The following TMCC3 variants were observed in gnomAD, a reference collection of about 807,000 sequenced individuals.
TMCC3 encodes the protein transmembrane and coiled-coil domain protein 3.
In TMCC3, 28 loss-of-function variants were observed where a neutral mutation model predicts 40.2. That is an observed-to-expected ratio of 0.70 (90% CI 0.52 to 0.95). The LOEUF is 0.95. Among genes scored for constraint, TMCC3 ranks in the 40% least tolerant of loss-of-function variants. The probability of loss-of-function intolerance (pLI) is 0.00; values close to 1 mark genes in which losing one functional copy is unlikely to be tolerated. For synonymous variants in TMCC3, 255 were observed against 248.5 expected (o/e 1.03, Z -0.25); for missense variants, 554 against 615.2 (o/e 0.90, Z 1.05).
intron 1 of TMCC3, chr12:94,613,743 A>AT (rs1371261589): frequency 6.6e-6 from 1 of 152,054 alleles, no homozygotes; most frequent in Non-Finnish European, 1.5e-5. Flanking sequence ...TGTTTCATGT[A>AT]TTTTTTAATG....
intron 1 of TMCC3, among the ~76,000 whole-genome samples, chr12:94,633,050 G>A (rs2068941788): frequency 6.6e-6 from 1 of 152,162 alleles, no homozygotes; most frequent in Non-Finnish European, 1.5e-5. Context: ...AAGACGCAGT[G>A]GGCCGAGATT....
chr12:94,629,619 T>C (rs1231474615), intron 1 of TMCC3, among the ~76,000 whole-genome samples: 1 of 152,104 alleles, frequency 6.6e-6, no homozygotes, highest in Non-Finnish European at 1.5e-5. Flanking sequence ...TGCTTCTAAT[T>C]GGCCCTGTCG....
In TMCC3 at chr12:94,644,456, C is replaced by T. The variant is rs1005468806; in HGVS notation, c.78+5897G>A. Reference sequence around the variant, plus strand: ...AAGCAAAATACACCCTGAGATCCAACTTGGTAGCAGCTGTCTTGGTGATCT... The same window carrying T: ...AAGCAAAATACACCCTGAGATCCAATTTGGTAGCAGCTGTCTTGGTGATCT... On this transcript the variant is annotated intron_variant, in intron 1 of 3. Transcript: ENST00000261226. The T allele has an allele frequency of 6.1e-6, 6 of 985,162 alleles. No homozygotes were observed. The Admixed American group carries it at 2.5e-4, about 40-fold the overall frequency. 61.0% of individuals were successfully genotyped at this position (985,162 alleles called of 1,614,324 possible).
rs556483681 is a variant in TMCC3 at position 94,595,529 on chromosome 12, T to C, written c.79-12991A>G. Among the ~76,000 whole-genome samples, 10 of 152,318 alleles carry C rather than the reference T, an allele frequency of 6.6e-5. No individual in the cohort carries two copies. The South Asian group carries it at 2.1e-3, about 32-fold the overall frequency. On this transcript the variant is annotated intron_variant, in intron 1 of 3. Coordinates refer to ENST00000261226, the MANE Select transcript of TMCC3 (RefSeq NM_020698.4). ...CCAAAGCATATGCAAGCCTCATAAT[T>C]AAATTTTTCTCTGAGGGTGAGGGTT...
chr12:94,571,801 C>A, intron 3 of TMCC3, 64 bp from the exon 4 acceptor site: 1 of 1,552,726 alleles, frequency 6.4e-7, no homozygotes, highest in South Asian at 1.2e-5. Flanking sequence ...CGTGAGTGCT[C>A]GCTCAGCTGT....
At chr12:94,646,386 A>G (rs1239911022) in intron 1 of TMCC3, among the ~76,000 whole-genome samples, 1 of 151,364 alleles carries the variant, frequency 6.6e-6, no homozygotes, top group Non-Finnish European at 1.5e-5. Flanking sequence ...GAGAACATAA[A>G]TTTAAAAAAA....
chr12:94,646,870 G>T (rs1398873133), intron 1 of TMCC3, among the ~76,000 whole-genome samples: 1 of 151,846 alleles, frequency 6.6e-6, no homozygotes, highest in African/African-American at 2.4e-5. Context: ...CCTTGCCCCA[G>T]TGGTCACCCA....
At chr12:94,633,252 C>T (rs1479882656) in intron 1 of TMCC3, among the ~76,000 whole-genome samples, 2 of 151,898 alleles carry the variant, frequency 1.3e-5, no homozygotes, top group African/African-American at 4.8e-5. Context: ...TGTGTGAAAA[C>T]ACGCAAAGGA....
chr12:94,611,993 G>A (rs982839268), intron 1 of TMCC3, among the ~76,000 whole-genome samples: 15 of 152,244 alleles, frequency 9.9e-5, no homozygotes, highest in Middle Eastern at 3.4e-3. Context: ...TGATTCTCAG[G>A]TTTGGTGTTT....
At chr12:94,596,011 C>A (rs2068713015) in intron 1 of TMCC3, among the ~76,000 whole-genome samples, 1 of 152,166 alleles carries the variant, frequency 6.6e-6, no homozygotes. Context: ...TGAATAAAAT[C>A]ATCTTTTCAA....
At chr12:94,621,300 T>C (rs1051118892) in intron 1 of TMCC3, among the ~76,000 whole-genome samples, 10 of 152,240 alleles carry the variant, frequency 6.6e-5, no homozygotes, top group Admixed American at 2.0e-4. Context: ...GACACAGCTC[T>C]TCTGGCTCCT....
At position 94,567,487 on chromosome 12, in the gene TMCC3, T is replaced by C. The variant is rs1268091192; in HGVS notation, c.*3948A>G. The C allele has an allele frequency of 3.3e-5, 5 of 152,234 alleles. No homozygotes were observed. Among genetic ancestry groups the C allele is most frequent in the African/African-American group, 7.2e-5 (3 of 41,462 alleles). 9.4% of individuals were successfully genotyped at this position (152,234 alleles called of 1,614,324 possible). A position where few individuals can be genotyped will look rare whatever the true frequency, so the allele number is the denominator to read the frequency against. ...TCATTCCTAAAACAATCAAGGTGCA[T>C]TACTTTCTAGCTTCTTATAAATTAA... On this transcript the variant is annotated 3_prime_UTR_variant, in exon 4 of 4. Transcript: ENST00000261226.
Position 94,582,524 on chromosome 12 carries a change from G to A in TMCC3, c.93C>T (p.Asp31=), listed in dbSNP as rs149829295. 3.0e-5 allele frequency: 48 copies of A among 1,601,854 alleles called. No individual in the cohort carries two copies. The highest frequency in any genetic ancestry group is 1.1e-4 in the African/African-American group (8 of 74,176). Reference sequence around the variant, plus strand: ...TCAGGGGCAGGCTTAAGGTATTCATGTCATGACGTTCTACCTGAAAGAGAC... The same window carrying A: ...TCAGGGGCAGGCTTAAGGTATTCATATCATGACGTTCTACCTGAAAGAGAC... The part of the protein sequence containing the change: ...HRCKSRVERH[D]MNTLSLPLNI... Residue 31 remains aspartate (D), a synonymous_variant, in exon 2 of 4, where the codon GAC becomes GAT. Transcript: ENST00000261226.
At chr12:94,599,637 TA>T (rs979465225) in intron 1 of TMCC3, among the ~76,000 whole-genome samples, 8 of 150,696 alleles carry the variant, frequency 5.3e-5, no homozygotes, top group African/African-American at 1.7e-4. Flanking sequence ...TTGACTTGTA[TA>T]AAGGTACTTT....
At chr12:94,638,069 T>G (rs2068970511) in intron 1 of TMCC3, among the ~76,000 whole-genome samples, 1 of 152,212 alleles carries the variant, frequency 6.6e-6, no homozygotes, top group African/African-American at 2.4e-5. Context: ...AAAGGTCAGA[T>G]GAGAGACTCT....
intron 1 of TMCC3, among the ~76,000 whole-genome samples, chr12:94,592,661 C>CAAAAAAAAAAAAAA (rs869058316): frequency 0.011 from 297 of 27,470 alleles, 31 homozygotes; most frequent in South Asian, 0.021. Flanking sequence ...GGCTCCATCT[C>CAAAAAAAAAAAAAA]AAAAAAAAAA....
chr12:94,604,947 A>G (rs2068774680), intron 1 of TMCC3, among the ~76,000 whole-genome samples: 1 of 152,180 alleles, frequency 6.6e-6, no homozygotes, highest in African/African-American at 2.4e-5. Flanking sequence ...CCTAGCAAGG[A>G]GCACATTGTA....
chr12:94,599,922 G>A (rs1013787180), intron 1 of TMCC3, among the ~76,000 whole-genome samples: 3 of 152,144 alleles, frequency 2.0e-5, no homozygotes, highest in African/African-American at 7.2e-5. Context: ...AGGCACAGTG[G>A]CATGTGCCTG....
rs1201961983 is a variant in TMCC3, at chr12:94,571,666, C to G, written c.1203G>C (p.Gln401His). 6.2e-7 allele frequency: 1 copy of G among 1,614,214 alleles called. No individual in the cohort carries two copies. Among genetic ancestry groups the G allele is most frequent in the East Asian group, 2.2e-5 (1 of 44,882 alleles). The change falls in exon 4 of 4, where the codon CAG becomes CAC. Residue 401 changes from glutamine to histidine, a missense_variant. Physicochemically the swap from Gln to His is conservative, Grantham distance 24. Coordinates refer to ENST00000261226, the MANE Select transcript of TMCC3 (RefSeq NM_020698.4). ...ELHQQEQQAL[Q>H]TDTVNAKVLL... ...GAACTTTAGCATTCACGGTGTCTGT[C>G]TGCAGAGCTTGCTGCTCTTGCTGGT...
Sources: allele counts gnomAD v4.1 joint callset (sites outside exome capture counted in the v4.1 genomes callset), GRCh38; gene constraint gnomAD v4.1.1; transcripts MANE v1.5; gene names NCBI Gene and HGNC (gene_info 2026-07-23, HGNC 2026-07-21).